CNTN5: variants seen among roughly 807,000 people sequenced by gnomAD.
The protein encoded by CNTN5 is contactin-5.
Under a neutral mutation model 129.1 loss-of-function variants are expected in CNTN5, and 77 were observed. That is an observed-to-expected ratio of 0.60 (90% CI 0.50 to 0.72). CNTN5 has a LOEUF of 0.72. Among genes scored for constraint, CNTN5 ranks in the 30% least tolerant of loss-of-function variants. The probability of loss-of-function intolerance (pLI) is 0.00; values close to 1 mark genes in which losing one functional copy is unlikely to be tolerated. For missense variants in CNTN5, 1,478 were observed against 1,328.8 expected (o/e 1.11, Z -1.75); for synonymous variants, 509 against 465.6 (o/e 1.09, Z -1.20).
intron 18 of CNTN5, among the ~76,000 whole-genome samples, chr11:100,287,241 C>A (rs1950818452): frequency 6.6e-6 from 1 of 152,132 alleles, no homozygotes; most frequent in Non-Finnish European, 1.5e-5. Context: ...CATTCAAATT[C>A]AGGAAATACA....
chr11:99,220,146 T>C (rs1310577456), intron 1 of CNTN5, among the ~76,000 whole-genome samples: 1 of 152,032 alleles, frequency 6.6e-6, no homozygotes. Flanking sequence ...CTTCTCCATT[T>C]CTAAGCTCGT....
At chr11:99,894,651 C>T (rs1054262315) in intron 6 of CNTN5, among the ~76,000 whole-genome samples, 3 of 151,696 alleles carry the variant, frequency 2.0e-5, no homozygotes, top group Admixed American at 6.6e-5. Flanking sequence ...TATTTATAAA[C>T]AGACAAAAAT....
chr11:99,059,302 A>G (rs1023338993), intron 1 of CNTN5, among the ~76,000 whole-genome samples: 12 of 152,106 alleles, frequency 7.9e-5, no homozygotes, highest in Non-Finnish European at 1.8e-4. Flanking sequence ...TGGAAACAAT[A>G]TGTAGACTAT....
At chr11:99,277,757 A>G (rs1036949423) in intron 1 of CNTN5, among the ~76,000 whole-genome samples, 6 of 151,746 alleles carry the variant, frequency 4.0e-5, no homozygotes, top group African/African-American at 9.7e-5. Context: ...CTGAAAAACA[A>G]CATGTATTAT....
chr11:99,762,084 T>A, intron 3 of CNTN5, among the ~76,000 whole-genome samples: 1 of 91,740 alleles, frequency 1.1e-5, no homozygotes. Context: ...TGTCTGTTCA[T>A]GTCCTTCACC....
chr11:99,948,004 A>G (rs1950590085), intron 7 of CNTN5, among the ~76,000 whole-genome samples: 1 of 152,210 alleles, frequency 6.6e-6, no homozygotes. Context: ...ATAAAAGGTA[A>G]TATTTTACTA....
At chr11:99,125,443 G>T (rs144491078) in intron 1 of CNTN5, among the ~76,000 whole-genome samples, 116 of 151,816 alleles carry the variant, frequency 7.6e-4, no homozygotes, top group African/African-American at 2.7e-3. Flanking sequence ...AGGCAATAAA[G>T]AAACTTACTT....
At chr11:99,608,900 A>T (rs1659026477) in intron 3 of CNTN5, among the ~76,000 whole-genome samples, 1 of 152,192 alleles carries the variant, frequency 6.6e-6, no homozygotes, top group African/African-American at 2.4e-5. Context: ...GAACTGTAGG[A>T]GTATTAAAAT....
At chr11:99,937,957 G>A (rs1950351986) in intron 7 of CNTN5, among the ~76,000 whole-genome samples, 1 of 152,154 alleles carries the variant, frequency 6.6e-6, no homozygotes, top group South Asian at 2.1e-4. Context: ...TTTAACAAAA[G>A]AAACAAAACA....
Position 99,142,219 on chromosome 11 carries a change from A to G in CNTN5, c.-210+120949A>G, listed in dbSNP as rs142346885. On this transcript the variant is annotated intron_variant, in intron 1 of 24. Coordinates refer to ENST00000524871, the MANE Select transcript of CNTN5 (RefSeq NM_014361.4). ...CCTAGGTGTTCTCAGTCCCCTGGCA[A>G]CAATACTTTGATGGTGTGTGCCAGA... 4.1e-3 allele frequency among the ~76,000 whole-genome samples: 623 copies of G among 152,236 alleles called. 2 individuals carry two copies. Among genetic ancestry groups the G allele is most frequent in the South Asian group, 7.9e-3 (38 of 4,818 alleles).
At chr11:99,986,683 CCTT>C (rs1324532691) in intron 8 of CNTN5, among the ~76,000 whole-genome samples, 4 of 152,112 alleles carry the variant, frequency 2.6e-5, no homozygotes, top group Non-Finnish European at 5.9e-5. Context: ...TCTCTGCTCT[CCTT>C]GATAGCAAGA....
intron 8 of CNTN5, among the ~76,000 whole-genome samples, chr11:99,981,231 G>T (rs1326525574): frequency 6.6e-6 from 1 of 151,644 alleles, no homozygotes; most frequent in Non-Finnish European, 1.5e-5. Flanking sequence ...AGTGTGGCTC[G>T]ATCCAAGTCC....
At chr11:99,222,895 T>C (rs557680721) in intron 1 of CNTN5, among the ~76,000 whole-genome samples, 1 of 152,294 alleles carries the variant, frequency 6.6e-6, no homozygotes, top group East Asian at 1.9e-4. Flanking sequence ...GATCTATTTA[T>C]TAGATGTATA....
chr11:99,939,604 CAATA>C (rs1246662456), intron 7 of CNTN5, among the ~76,000 whole-genome samples: 2 of 149,182 alleles, frequency 1.3e-5, no homozygotes, highest in Non-Finnish European at 3.0e-5. Context: ...GCCACTGTAT[CAATA>C]GTCAACCAAA....
chr11:99,622,192 CTG>C (rs1363987360), intron 3 of CNTN5, among the ~76,000 whole-genome samples: 1 of 152,124 alleles, frequency 6.6e-6, no homozygotes, highest in Admixed American at 6.6e-5. Flanking sequence ...AAGTTAATAA[CTG>C]TATATTTGCA....
chr11:99,232,594 GCAAA>G (rs1369100736), intron 1 of CNTN5, among the ~76,000 whole-genome samples: 2 of 152,190 alleles, frequency 1.3e-5, no homozygotes, highest in Admixed American at 1.3e-4. Flanking sequence ...CATGTCTTCT[GCAAA>G]CAAAGACAAT....
At chr11:99,434,385 AT>A (rs1289279528) in intron 2 of CNTN5, among the ~76,000 whole-genome samples, 5 of 152,290 alleles carry the variant, frequency 3.3e-5, no homozygotes. Context: ...CTGACTTGAG[AT>A]TCGGAGGTTT....
At chr11:100,190,796 T>A (rs1377749008) in intron 13 of CNTN5, among the ~76,000 whole-genome samples, 1 of 151,954 alleles carries the variant, frequency 6.6e-6, no homozygotes, top group Non-Finnish European at 1.5e-5. Context: ...AAGCTTAATA[T>A]TAAAATATCA....
At chr11:99,665,778 C>T (rs186309733) in intron 3 of CNTN5, among the ~76,000 whole-genome samples, 6 of 152,026 alleles carry the variant, frequency 3.9e-5, no homozygotes, top group South Asian at 2.1e-4. Context: ...TGAGCCACCG[C>T]GCCTGGCCTA....
Sources: allele counts gnomAD v4.1 joint callset (sites outside exome capture counted in the v4.1 genomes callset), GRCh38; gene constraint gnomAD v4.1.1; transcripts MANE v1.5; gene names NCBI Gene and HGNC (gene_info 2026-07-23, HGNC 2026-07-21).